SNRPN: variants seen among roughly 807,000 people sequenced by gnomAD.
SNRPN encodes the protein small nuclear ribonucleoprotein polypeptide N.
SNRPN carries 7 observed loss-of-function variants against 25.2 expected under a neutral mutation model. The observed-to-expected ratio is 0.28, with a 90% CI of 0.16 to 0.52. The LOEUF (loss-of-function observed/expected upper bound fraction) is 0.52, where lower values mean the gene tolerates loss of function less well. Ranked by LOEUF, SNRPN falls within the 20% of genes least tolerant of loss-of-function variation. SNRPN has a pLI of 0.96. For missense variants in SNRPN, 196 were observed against 322.5 expected (o/e 0.61, Z 3.00); for synonymous variants, 124 against 110.6 (o/e 1.12, Z -0.76).
At chr15:24,922,890 CTTTTTTTTT>C (rs71412618) in intron 3 of SNRPN, among the ~76,000 whole-genome samples, 81 of 68,178 alleles carry the variant, frequency 1.2e-3, no homozygotes, top group African/African-American at 1.5e-3. Context: ...TAGGCAGATC[CTTTTTTTTT>C]TTTTTTTTTT....
At chr15:24,935,272 C>CAAAAAAAAAA (rs991716798) in intron 3 of SNRPN, among the ~76,000 whole-genome samples, 12 of 133,668 alleles carry the variant, frequency 9.0e-5, no homozygotes, top group African/African-American at 3.3e-4. Flanking sequence ...ACTTTGTCTC[C>CAAAAAAAAAA]AAAAAAAAAA....
At chr15:24,907,628 A>G (rs779180846) in intron 2 of SNRPN, among the ~76,000 whole-genome samples, 36 of 151,872 alleles carry the variant, frequency 2.4e-4, no homozygotes, top group Non-Finnish European at 4.6e-4. Context: ...GTTGAAATGT[A>G]ATCTTCAGTG....
chr15:24,876,487 T>C lies in SNRPN; in HGVS notation c.-578-10029T>C, dbSNP rs141603885. On this transcript the variant is annotated intron_variant, in intron 1 of 11. Coordinates refer to the SNRPN transcript ENST00000400097. ...CAAAAATTAGCTGAGTGTGGTGGCGTGCGCCTGTAATCCAAGCTACTCAGG... is the reference window on the plus strand; with the variant it reads ...CAAAAATTAGCTGAGTGTGGTGGCGCGCGCCTGTAATCCAAGCTACTCAGG... Among the ~76,000 whole-genome samples the C allele has an allele frequency of 7.2e-3, 1,097 of 151,766 alleles. 7 individuals are homozygous for C. The highest frequency in any genetic ancestry group is 0.013 in the Non-Finnish European group (882 of 67,908).
intron 9 of SNRPN, 34 bp from the exon 10 acceptor site, chr15:24,978,373 C>G: frequency 3.1e-6 from 5 of 1,613,906 alleles, no homozygotes; most frequent in Non-Finnish European, 4.2e-6. Context: ...ATATGTGTAT[C>G]CTCTTTTTCT....
chr15:24,888,160 A>G (rs1040042118), intron 2 of SNRPN, among the ~76,000 whole-genome samples: 1 of 147,560 alleles, frequency 6.8e-6, no homozygotes, highest in African/African-American at 2.5e-5. Context: ...CCGGGCTAGA[A>G]TGCAGTGGCA....
intron 2 of SNRPN, among the ~76,000 whole-genome samples, chr15:24,898,949 A>C (rs2058261651): frequency 6.6e-6 from 1 of 152,146 alleles, no homozygotes; most frequent in Non-Finnish European, 1.5e-5. Flanking sequence ...GTGGGGGTTG[A>C]AAGGAAGTGG....
intron 2 of SNRPN, chr15:24,909,364 A>C: frequency 6.2e-7 from 1 of 1,601,296 alleles, no homozygotes; most frequent in Non-Finnish European, 8.5e-7. Flanking sequence ...TGCCAGTGGT[A>C]GTTCTGGCAA....
At chr15:24,856,072 T>C (rs2053355551), upstream of SNRPN, among the ~76,000 whole-genome samples, 1 of 152,178 alleles carries the variant, frequency 6.6e-6, no homozygotes, top group South Asian at 2.1e-4. Context: ...TCCATTGGTT[T>C]ATTTCTCTGT....
intron 7 of SNRPN, 68 bp downstream of exon 7, chr15:24,977,097 A>G (rs2077143666): frequency 1.5e-6 from 2 of 1,329,840 alleles, no homozygotes; most frequent in Admixed American, 5.3e-5. Flanking sequence ...GAGGAGATTT[A>G]AAAACCTAAG....
intron 2 of SNRPN, among the ~76,000 whole-genome samples, chr15:24,847,538 C>T (rs1395401059): frequency 6.6e-6 from 1 of 152,082 alleles, no homozygotes; most frequent in African/African-American, 2.4e-5. Context: ...TACTGGGAGG[C>T]TGAGGCAGGA....
upstream of SNRPN, among the ~76,000 whole-genome samples, chr15:24,854,752 TC>T (rs780134785): frequency 1.3e-5 from 2 of 152,192 alleles, no homozygotes; most frequent in South Asian, 4.1e-4. Flanking sequence ...ACACCTGTAA[TC>T]CCAGCACTTG....
chr15:24,867,587 G>A (rs1261549187), intron 1 of SNRPN, among the ~76,000 whole-genome samples: 1 of 152,078 alleles, frequency 6.6e-6, no homozygotes, highest in Non-Finnish European at 1.5e-5. Context: ...TGTTAGCCAG[G>A]ATGGTCCCGA....
At chr15:24,842,129 G>T (rs555107465) in intron 2 of SNRPN, among the ~76,000 whole-genome samples, 22 of 152,154 alleles carry the variant, frequency 1.4e-4, no homozygotes, top group African/African-American at 5.1e-4. Flanking sequence ...GGGTGGTATT[G>T]CCCCTCCCAC....
intron 1 of SNRPN, among the ~76,000 whole-genome samples, chr15:24,824,493 T>C (rs1455980417): frequency 6.6e-6 from 1 of 152,128 alleles, no homozygotes; most frequent in Admixed American, 6.5e-5. Context: ...ATTTTCTTAC[T>C]CCTTTATGAG....
At chr15:24,899,952 GTCAT>G (rs2058344075) in intron 2 of SNRPN, among the ~76,000 whole-genome samples, 1 of 152,150 alleles carries the variant, frequency 6.6e-6, no homozygotes, top group African/African-American at 2.4e-5. Context: ...GGTTGTGTTG[GTCAT>G]TCCTTTATGT....
intron 2 of SNRPN, among the ~76,000 whole-genome samples, chr15:24,894,096 G>T (rs997617919): frequency 6.6e-6 from 1 of 152,146 alleles, no homozygotes; most frequent in African/African-American, 2.4e-5. Flanking sequence ...CTGCAAATGG[G>T]TTGCAACCCA....
intron 3 of SNRPN, among the ~76,000 whole-genome samples, chr15:24,972,540 T>TC: frequency 6.7e-6 from 1 of 149,032 alleles, no homozygotes; most frequent in Admixed American, 6.6e-5. Flanking sequence ...ATTAGAGTAT[T>TC]CTTTTTTTTT....
chr15:24,965,715 A>G (rs1173222729), intron 2 of SNRPN, among the ~76,000 whole-genome samples: 2 of 152,266 alleles, frequency 1.3e-5, no homozygotes, highest in Admixed American at 6.5e-5. Context: ...TAAGCTTCAC[A>G]TGTCTTTTCA....
chr15:24,884,589 G>A (rs1377087416), intron 1 of SNRPN, among the ~76,000 whole-genome samples: 4 of 151,206 alleles, frequency 2.6e-5, no homozygotes, highest in East Asian at 1.9e-4. Flanking sequence ...CTGAAGCCTC[G>A]GATAATTTGG....
Sources: allele counts gnomAD v4.1 joint callset (sites outside exome capture counted in the v4.1 genomes callset), GRCh38; gene constraint gnomAD v4.1.1; transcripts MANE v1.5; gene names NCBI Gene and HGNC (gene_info 2026-07-23, HGNC 2026-07-21).